Variants in COLGALT2 observed in about 807,000 individuals in gnomAD.
The protein encoded by COLGALT2 is collagen beta(1-O)galactosyltransferase 2.
COLGALT2 carries 49 observed loss-of-function variants against 73.4 expected under a neutral mutation model. The observed-to-expected ratio is 0.67, with a 90% confidence interval of 0.53 to 0.85. The LOEUF (loss-of-function observed/expected upper bound fraction) is 0.85, where lower values mean the gene tolerates loss of function less well. Ranked by LOEUF, COLGALT2 falls within the 40% of genes least tolerant of loss-of-function variation. COLGALT2 has a pLI of 0.00. For synonymous variants in COLGALT2, 295 were observed against 307.6 expected (o/e 0.96, Z 0.43); for missense variants, 722 against 790.2 (o/e 0.91, Z 1.03).
chr1:183,970,137 A>G (rs943145940), intron 4 of COLGALT2, among the ~76,000 whole-genome samples: 1 of 152,252 alleles, frequency 6.6e-6, no homozygotes, highest in Non-Finnish European at 1.5e-5. Flanking sequence ...TACTTAGTCA[A>G]TATTCTGGTG....
intron 1 of COLGALT2, among the ~76,000 whole-genome samples, chr1:183,988,013 C>T (rs1212311915): frequency 1.3e-5 from 2 of 152,172 alleles, no homozygotes; most frequent in South Asian, 4.1e-4. Context: ...CTCTTAATAG[C>T]CCAGGTCCAT....
At chr1:184,020,453 C>G (rs1160858526) in intron 1 of COLGALT2, among the ~76,000 whole-genome samples, 1 of 152,150 alleles carries the variant, frequency 6.6e-6, no homozygotes, top group Non-Finnish European at 1.5e-5. Context: ...GCAAATCTGA[C>G]CTAAGTCCAA....
chr1:183,964,036 A>T lies in COLGALT2; in HGVS notation c.833-16T>A. On this transcript the variant is annotated splice_polypyrimidine_tract_variant and intron_variant, in intron 5 of 11. Transcript: ENST00000361927. ...ATCTGGATGCCTGAGGATCCAAGAG[A>T]GGGACAAAGCCAACAATCAGAAAAC... is the stretch of plus-strand genomic sequence containing the variant. 1.2e-6 allele frequency: 2 copies of T among 1,612,254 alleles called. No individual in the cohort carries two copies. The highest frequency in any genetic ancestry group is 1.7e-6 in the Non-Finnish European group (2 of 1,179,114).
chr1:183,932,563 C>A (rs1178820865), downstream of COLGALT2, among the ~76,000 whole-genome samples: 3 of 152,144 alleles, frequency 2.0e-5, no homozygotes, highest in African/African-American at 7.2e-5. Context: ...AAAAGCTAAG[C>A]CTGCTTGCTG....
Position 183,937,681 on chromosome 1 carries a change from A to G in COLGALT2, c.*1080T>C, listed in dbSNP as rs894785011. On this transcript the variant is annotated 3_prime_UTR_variant, in exon 12 of 12. Coordinates refer to ENST00000361927, the MANE Select transcript of COLGALT2 (RefSeq NM_015101.4). ...CCGAACCAATGTGTCCACACCCACC[A>G]CTCCCCCGGGTGCCGTGGAAGTCTG... The G allele has an allele frequency of 1.0e-6, 1 of 984,480 alleles. No homozygotes were observed. 61.0% of individuals were successfully genotyped at this position (984,480 alleles called of 1,614,324 possible).
chr1:183,959,521 G>T (rs1670639805), intron 6 of COLGALT2, among the ~76,000 whole-genome samples: 1 of 151,976 alleles, frequency 6.6e-6, no homozygotes, highest in South Asian at 2.1e-4. Flanking sequence ...CTGCATTCAG[G>T]TCTCTGTAAG....
chr1:184,018,275 G>GA (rs5779195), intron 1 of COLGALT2, among the ~76,000 whole-genome samples: 5 of 151,372 alleles, frequency 3.3e-5, no homozygotes, highest in Admixed American at 2.6e-4. Context: ...GTTTCAAAAA[G>GA]AAAAAAAAAA....
intron 1 of COLGALT2, among the ~76,000 whole-genome samples, chr1:184,004,077 AT>A (rs1376074032): frequency 6.6e-6 from 1 of 152,160 alleles, no homozygotes; most frequent in African/African-American, 2.4e-5. Context: ...AAACGGCATT[AT>A]TTTTTTAATC....
At chr1:183,953,463 A>G (rs1670467666) in intron 7 of COLGALT2, among the ~76,000 whole-genome samples, 1 of 151,996 alleles carries the variant, frequency 6.6e-6, no homozygotes. Context: ...GTCTTATTTT[A>G]TTTGCTTTGG....
chr1:183,977,470 CAA>C (rs71993168), intron 2 of COLGALT2, among the ~76,000 whole-genome samples: 14 of 126,686 alleles, frequency 1.1e-4, no homozygotes, highest in East Asian at 4.8e-4. Flanking sequence ...GACTCTGTCT[CAA>C]AAAAAAAAAA....
At chr1:184,012,359 C>T (rs1022893888) in intron 1 of COLGALT2, among the ~76,000 whole-genome samples, 3 of 152,198 alleles carry the variant, frequency 2.0e-5, no homozygotes, top group Non-Finnish European at 4.4e-5. Context: ...GTGTGTTATT[C>T]CCACAGCATC....
At chr1:183,972,738 C>T (rs1469267350) in intron 4 of COLGALT2, among the ~76,000 whole-genome samples, 2 of 150,264 alleles carry the variant, frequency 1.3e-5, no homozygotes, top group African/African-American at 2.4e-5. Flanking sequence ...CTCGCTCTGT[C>T]ACCCAGGCTG....
Position 183,936,834 on chromosome 1 carries a change from G to C in COLGALT2, c.*1927C>G. On this transcript the variant is annotated 3_prime_UTR_variant, in exon 12 of 12. Coordinates refer to ENST00000361927, the MANE Select transcript of COLGALT2 (RefSeq NM_015101.4). Reference sequence around the variant, plus strand: ...GAGTTCCCTTTCCTCCAGCGGCCTAGCTTGCTGGTCAGTGTAGAAGGGTAC... The same window carrying C: ...GAGTTCCCTTTCCTCCAGCGGCCTACCTTGCTGGTCAGTGTAGAAGGGTAC... 1 of 1,231,678 alleles carries C rather than the reference G, an allele frequency of 8.1e-7. No homozygotes were observed. Among genetic ancestry groups the C allele is most frequent in the Non-Finnish European group, 1.0e-6 (1 of 987,974 alleles). The allele number at this position is 1,231,678 out of a possible 1,614,324, so 76.3% of individuals were successfully genotyped here. A position where few individuals can be genotyped will look rare whatever the true frequency, so the allele number is the denominator to read the frequency against.
intron 1 of COLGALT2, among the ~76,000 whole-genome samples, chr1:183,989,837 C>T (rs1244771046): frequency 6.6e-6 from 1 of 152,166 alleles, no homozygotes; most frequent in Admixed American, 6.5e-5. Context: ...ATAACATCTG[C>T]TGCATCTACC....
At chr1:184,003,638 T>C (rs939068228) in intron 1 of COLGALT2, among the ~76,000 whole-genome samples, 4 of 152,194 alleles carry the variant, frequency 2.6e-5, no homozygotes, top group Non-Finnish European at 5.9e-5. Context: ...TTGATGATTG[T>C]GGTAAAACAG....
At chr1:183,991,550 C>A (rs1671628984) in intron 1 of COLGALT2, among the ~76,000 whole-genome samples, 1 of 152,156 alleles carries the variant, frequency 6.6e-6, no homozygotes, top group African/African-American at 2.4e-5. Context: ...TTATCCAATA[C>A]CTGTTGTCTT....
intron 2 of COLGALT2, among the ~76,000 whole-genome samples, chr1:183,977,812 A>AAGAGAGAGAGAGAG (rs59481089): frequency 0.022 from 1,166 of 52,412 alleles, 38 homozygotes; most frequent in East Asian, 0.14. Context: ...GAAAGAGAGA[A>AAGAGAGAGAGAGAG]AGAGAGAGAG....
At chr1:184,021,317 T>G (rs1173422000) in intron 1 of COLGALT2, among the ~76,000 whole-genome samples, 1 of 152,230 alleles carries the variant, frequency 6.6e-6, no homozygotes, top group Non-Finnish European at 1.5e-5. Context: ...GGTTTGAATG[T>G]GTCCCCCAAA....
chr1:183,996,374 A>G, intron 1 of COLGALT2, among the ~76,000 whole-genome samples: 1 of 152,244 alleles, frequency 6.6e-6, no homozygotes, highest in Non-Finnish European at 1.5e-5. Context: ...AGGCGATTTA[A>G]AGGTGTAGAC....
Sources: gnomAD v4.1 joint callset for allele counts (sites outside exome capture counted in the v4.1 genomes callset) on GRCh38, gnomAD v4.1.1 for gene constraint, MANE v1.5 for transcripts, NCBI Gene and HGNC (gene_info 2026-07-23, HGNC 2026-07-21) for gene names.